The following TBC1D22A variants were observed in gnomAD, a reference collection of about 807,000 sequenced individuals.
The protein encoded by TBC1D22A is TBC1 domain family member 22A, also known as putative GTPase activator.
A neutral mutation model predicts 60.2 loss-of-function variants in TBC1D22A; 38 were observed. That is an observed-to-expected ratio of 0.63 (90% CI 0.49 to 0.83). The LOEUF (loss-of-function observed/expected upper bound fraction) is 0.83. TBC1D22A is among the 40% of genes least tolerant of loss of function. TBC1D22A has a pLI of 0.00. For synonymous variants in TBC1D22A, 302 were observed against 281.7 expected, an observed-to-expected ratio of 1.07 and a Z score of -0.72; for missense variants, 628 against 701.0, an observed-to-expected ratio of 0.90 and a Z score of 1.18.
chr22:47,056,156 T>A (rs6009118), intron 11 of TBC1D22A, among the ~76,000 whole-genome samples: 3,448 of 151,182 alleles, frequency 0.023, 132 homozygotes, highest in African/African-American at 0.078. Flanking sequence ...TCAGGAAGAG[T>A]GTGTGTGGGT....
chr22:47,111,880 C>T (rs901040771), intron 12 of TBC1D22A, among the ~76,000 whole-genome samples: 10 of 152,200 alleles, frequency 6.6e-5, no homozygotes, highest in Non-Finnish European at 1.0e-4. Flanking sequence ...GGCAGCGTGC[C>T]CCTCAGCAGC....
At chr22:46,893,268 T>C (rs2068497373) in intron 6 of TBC1D22A, among the ~76,000 whole-genome samples, 1 of 152,256 alleles carries the variant, frequency 6.6e-6, no homozygotes, top group Non-Finnish European at 1.5e-5. Context: ...AACGTTCATC[T>C]GGTCTGTCTT....
chr22:47,064,212 T>C (rs1306280573), intron 11 of TBC1D22A, among the ~76,000 whole-genome samples: 1 of 152,250 alleles, frequency 6.6e-6, no homozygotes, highest in Non-Finnish European at 1.5e-5. Flanking sequence ...CCGTGCTCTC[T>C]CTGTGGTGAA....
rs1328882987 is a variant in TBC1D22A at position 46,979,992 on chromosome 22, TAC to T, written c.1125+5595_1125+5596del. Among the ~76,000 whole-genome samples the T allele has an allele frequency of 9.2e-5, 14 of 151,596 alleles. 1 individual carries two copies. Among genetic ancestry groups the T allele is most frequent in the Admixed American group, 6.6e-5 (1 of 15,218 alleles). On this transcript the variant is annotated intron_variant, in intron 9 of 12. Coordinates refer to ENST00000337137, the MANE Select transcript of TBC1D22A (RefSeq NM_014346.5). The stretch of plus-strand genomic sequence containing the variant: ...GCAGATGACCTCACAGCAGACGAAG[TAC>T]AAACCAAGCAGAGAAGGAGTGCGCC...
intron 11 of TBC1D22A, among the ~76,000 whole-genome samples, chr22:47,085,110 G>A (rs540753401): frequency 3.3e-5 from 5 of 152,258 alleles, no homozygotes; most frequent in South Asian, 2.1e-4. Context: ...ATGAAACTCC[G>A]TCTCTACTGA....
Position 46,797,601 on chromosome 22 carries a change from C to T in TBC1D22A, c.618C>T (p.Ala206=), listed in dbSNP as rs200948713. ...TCGACAAGTTCAAGCAGCTGCTTGCCGGCCCCAACACGGACCTTGGTAAGC... is the reference window on the plus strand; with the variant it reads ...TCGACAAGTTCAAGCAGCTGCTTGCTGGCCCCAACACGGACCTTGGTAAGC... ...SRLDKFKQLL[A]GPNTDLEELR... The change falls in exon 4 of 13, where the codon GCC becomes GCT. Residue 206 remains alanine, a synonymous_variant. Transcript: ENST00000337137. 26 of 1,608,400 alleles carry T rather than the reference C, an allele frequency of 1.6e-5. No homozygotes were observed. The South Asian group carries it at 2.5e-4, about 16-fold the overall frequency.
At chr22:47,047,493 G>T (rs1435394255) in intron 11 of TBC1D22A, among the ~76,000 whole-genome samples, 2 of 152,216 alleles carry the variant, frequency 1.3e-5, no homozygotes, top group Non-Finnish European at 2.9e-5. Context: ...ACAGCTGGTT[G>T]CTGGAAATAG....
chr22:46,904,101 A>G (rs190348099), intron 7 of TBC1D22A, among the ~76,000 whole-genome samples: 2 of 33,074 alleles, frequency 6.0e-5, no homozygotes, highest in African/African-American at 9.7e-5. Context: ...AATAAAATCT[A>G]TCTATCTATC....
At chr22:46,819,870 A>G (rs142039557) in intron 4 of TBC1D22A, among the ~76,000 whole-genome samples, 2,147 of 152,166 alleles carry the variant, frequency 0.014, 51 homozygotes, top group African/African-American at 0.049. Context: ...CTGGTCCTGG[A>G]CTTTTTTTGG....
At chr22:46,845,899 G>A (rs1356301990) in intron 4 of TBC1D22A, among the ~76,000 whole-genome samples, 3 of 152,248 alleles carry the variant, frequency 2.0e-5, no homozygotes, top group Non-Finnish European at 4.4e-5. Flanking sequence ...ACCGCGGCGA[G>A]CCGATTCCAG....
At chr22:47,119,094 A>G (rs2147751627) in intron 12 of TBC1D22A, among the ~76,000 whole-genome samples, 1 of 152,322 alleles carries the variant, frequency 6.6e-6, no homozygotes, top group Middle Eastern at 3.4e-3. Flanking sequence ...GGTTGCAGTG[A>G]GCCGAGACCA....
chr22:46,916,748 G>A (rs539883653), intron 8 of TBC1D22A, among the ~76,000 whole-genome samples: 47 of 152,364 alleles, frequency 3.1e-4, no homozygotes, highest in African/African-American at 1.1e-3. Flanking sequence ...GACCTCAGAG[G>A]CAGGGGCAGC....
intron 7 of TBC1D22A, among the ~76,000 whole-genome samples, chr22:46,899,291 A>G (rs1344511680): frequency 6.6e-6 from 1 of 152,020 alleles, no homozygotes; most frequent in Non-Finnish European, 1.5e-5. Flanking sequence ...TATGAAAAAT[A>G]AAAATATTAG....
At chr22:46,943,657 TG>T (rs1188552361) in intron 8 of TBC1D22A, among the ~76,000 whole-genome samples, 1 of 152,236 alleles carries the variant, frequency 6.6e-6, no homozygotes, top group East Asian at 1.9e-4. Flanking sequence ...GCCACACTCT[TG>T]TTCCAAGACA....
At chr22:47,007,378 G>A (rs2061627211) in intron 10 of TBC1D22A, among the ~76,000 whole-genome samples, 1 of 152,202 alleles carries the variant, frequency 6.6e-6, no homozygotes, top group African/African-American at 2.4e-5. Flanking sequence ...AGCTGCTTCC[G>A]ACAGTGACTG....
intron 11 of TBC1D22A, among the ~76,000 whole-genome samples, chr22:47,063,263 G>A (rs1484777072): frequency 6.6e-6 from 1 of 152,160 alleles, no homozygotes; most frequent in Non-Finnish European, 1.5e-5. Context: ...CTGATGCGCA[G>A]CCAAGGCTGT....
intron 7 of TBC1D22A, among the ~76,000 whole-genome samples, chr22:46,907,239 C>A (rs1477570763): frequency 1.3e-5 from 2 of 152,198 alleles, no homozygotes; most frequent in East Asian, 3.9e-4. Flanking sequence ...ACCCTCTCTT[C>A]CCGTCACCTC....
chr22:47,057,273 A>G (rs1364599911), intron 11 of TBC1D22A, among the ~76,000 whole-genome samples: 1 of 152,220 alleles, frequency 6.6e-6, no homozygotes, highest in African/African-American at 2.4e-5. Flanking sequence ...CCTCCCAGTC[A>G]GTCCCAAGCT....
intron 9 of TBC1D22A, among the ~76,000 whole-genome samples, chr22:46,976,079 A>C (rs2074282587): frequency 6.6e-6 from 1 of 152,268 alleles, no homozygotes; most frequent in African/African-American, 2.4e-5. Context: ...GGATTGAATC[A>C]TAATGTAAAA....
Sources: gnomAD v4.1 joint callset for allele counts (sites outside exome capture counted in the v4.1 genomes callset) on GRCh38, gnomAD v4.1.1 for gene constraint, MANE v1.5 for transcripts, NCBI Gene and HGNC (gene_info 2026-07-23, HGNC 2026-07-21) for gene names.